The following SLCO2A1 variants were observed in gnomAD, a reference collection of about 807,000 sequenced individuals.
The protein encoded by SLCO2A1 is matrin F/G 1.
A neutral mutation model predicts 71.7 loss-of-function variants in SLCO2A1; 60 were observed. That is an observed-to-expected ratio of 0.84 (90% CI 0.68 to 1.04). The LOEUF (loss-of-function observed/expected upper bound fraction) is 1.04. Among genes scored for constraint, SLCO2A1 ranks in the 50% least tolerant of loss-of-function variants. The probability of loss-of-function intolerance (pLI) is 0.00; values close to 1 mark genes in which losing one functional copy is unlikely to be tolerated. For missense variants in SLCO2A1, 745 were observed against 813.4 expected (o/e 0.92, Z 1.02); for synonymous variants, 308 against 326.7 (o/e 0.94, Z 0.62).
chr3:133,948,652 A>G lies in SLCO2A1; in HGVS notation c.989T>C (p.Leu330Pro), dbSNP rs1415094638. 65 of 1,614,058 alleles carry G rather than the reference A, an allele frequency of 4.0e-5. No homozygotes were observed. The highest frequency in any genetic ancestry group is 4.7e-5 in the Non-Finnish European group (56 of 1,180,018). The change falls in exon 8 of 14, where the codon CTG becomes CCG. Residue 330 changes from leucine (L) to proline (P), a missense_variant. Physicochemically the swap from Leu to Pro is moderately conservative, Grantham distance 98. Coordinates refer to ENST00000310926, the MANE Select transcript of SLCO2A1 (RefSeq NM_005630.3). ...GAAGGTGCACTGGGCCAGGACCACC[A>G]GGACGAAGAGTGAGTTCATCAGGAG... ...LRLLMNSLFVLVVLAQCTFSS... is the reference protein window; with the variant it reads ...LRLLMNSLFVPVVLAQCTFSS...
chr3:134,023,626 A>T (rs376858252), intron 1 of SLCO2A1, among the ~76,000 whole-genome samples: 6 of 152,324 alleles, frequency 3.9e-5, no homozygotes, highest in African/African-American at 1.4e-4. Flanking sequence ...CAGTTTTTGT[A>T]ATTTCCTAAA....
At chr3:133,973,634 C>T in intron 3 of SLCO2A1, 29 bp downstream of exon 3, 1 of 1,611,440 alleles carries the variant, frequency 6.2e-7, no homozygotes. Flanking sequence ...ATTCCTTACC[C>T]CTTGAGGCAG....
At position 133,953,696 on chromosome 3, in the gene SLCO2A1, G is replaced by T. The variant is rs1157747827; in HGVS notation, c.691C>A (p.Gln231Lys). The change falls in exon 5 of 14, where the codon CAG becomes AAG. Residue 231 changes from glutamine to lysine, a missense_variant. Coordinates refer to ENST00000310926, the MANE Select transcript of SLCO2A1 (RefSeq NM_005630.3). Reference protein sequence around the residue: ...FGYLLGSVMLQIFVDYGRVNT... With the variant: ...FGYLLGSVMLKIFVDYGRVNT... ...ACCCTGCCATAGTCCACAAAGATCT[G>T]CAGCATGACAGAGCCCAGCAGGTAC... The T allele has an allele frequency of 6.2e-7, 1 of 1,614,144 alleles. No homozygotes were observed. Among genetic ancestry groups the T allele is most frequent in the Non-Finnish European group, 8.5e-7 (1 of 1,180,022 alleles).
At chr3:133,990,154 C>G (rs1934807812) in intron 1 of SLCO2A1, among the ~76,000 whole-genome samples, 1 of 152,388 alleles carries the variant, frequency 6.6e-6, no homozygotes, top group East Asian at 1.9e-4. Context: ...CTACTGCAGG[C>G]CCCGTGCACG....
intron 9 of SLCO2A1, among the ~76,000 whole-genome samples, chr3:133,945,513 G>C (rs767425084): frequency 6.6e-6 from 1 of 152,154 alleles, no homozygotes; most frequent in Non-Finnish European, 1.5e-5. Flanking sequence ...CTCTGGGAAG[G>C]CCTGGCTGGT....
chr3:133,997,359 G>A (rs972067956), intron 1 of SLCO2A1, among the ~76,000 whole-genome samples: 2 of 152,162 alleles, frequency 1.3e-5, no homozygotes, highest in Non-Finnish European at 2.9e-5. Context: ...TTTAACCCCC[G>A]GTGCTCATGA....
At chr3:133,958,077 G>A (rs1299830932) in intron 3 of SLCO2A1, among the ~76,000 whole-genome samples, 3 of 152,180 alleles carry the variant, frequency 2.0e-5, no homozygotes, top group Admixed American at 2.0e-4. Flanking sequence ...GACCACAGGG[G>A]CTGTCTGGCC....
intron 3 of SLCO2A1, among the ~76,000 whole-genome samples, chr3:133,973,366 C>T (rs2108054991): frequency 6.6e-6 from 1 of 152,334 alleles, no homozygotes; most frequent in Admixed American, 6.5e-5. Context: ...ATGCTTTGAT[C>T]CTCCTCCTGC....
At chr3:134,010,142 T>C (rs1935303656) in intron 1 of SLCO2A1, among the ~76,000 whole-genome samples, 1 of 152,206 alleles carries the variant, frequency 6.6e-6, no homozygotes, top group South Asian at 2.1e-4. Flanking sequence ...CACATGTGTG[T>C]CCTAATGAAA....
chr3:134,007,194 A>T (rs1935238943), intron 1 of SLCO2A1, among the ~76,000 whole-genome samples: 1 of 151,696 alleles, frequency 6.6e-6, no homozygotes, highest in Non-Finnish European at 1.5e-5. Flanking sequence ...AGTTCTAAGA[A>T]CTCTTTATAT....
chr3:133,953,765 G>A lies in SLCO2A1; in HGVS notation c.626-4C>T, dbSNP rs766029148. On this transcript the variant is annotated splice_polypyrimidine_tract_variant and splice_region_variant and intron_variant, in intron 4 of 13. Transcript: ENST00000310926. ...ACAGAGATGGCAAATAAGATGGCTG[G>A]AAAAGGAAGTAAGGGGAAGGAGACT... 6.8e-6 allele frequency: 11 copies of A among 1,612,894 alleles called. No homozygotes were observed. Among genetic ancestry groups the A allele is most frequent in the Non-Finnish European group, 9.3e-6 (11 of 1,178,904 alleles).
chr3:133,962,349 G>A (rs1387022511), intron 3 of SLCO2A1, among the ~76,000 whole-genome samples: 1 of 152,082 alleles, frequency 6.6e-6, no homozygotes, highest in Non-Finnish European at 1.5e-5. Flanking sequence ...CAAAGTGCTG[G>A]GATTATAGGC....
chr3:134,016,159 T>A (rs1935451416), intron 1 of SLCO2A1, among the ~76,000 whole-genome samples: 1 of 152,092 alleles, frequency 6.6e-6, no homozygotes, highest in Non-Finnish European at 1.5e-5. Context: ...AAAAGCAGGA[T>A]CCAGAAAATT....
chr3:133,995,829 G>A (rs1055194406), intron 1 of SLCO2A1, among the ~76,000 whole-genome samples: 2 of 152,206 alleles, frequency 1.3e-5, no homozygotes, highest in South Asian at 2.1e-4. Flanking sequence ...CGCCATAAGT[G>A]AGTGAATATA....
At chr3:133,946,529 C>T (rs1933582660) in intron 9 of SLCO2A1, among the ~76,000 whole-genome samples, 1 of 152,170 alleles carries the variant, frequency 6.6e-6, no homozygotes, top group Non-Finnish European at 1.5e-5. Context: ...CCATCACTCT[C>T]ATTATTCTTC....
intron 2 of SLCO2A1, among the ~76,000 whole-genome samples, chr3:133,979,166 G>A (rs1260543680): frequency 6.6e-6 from 1 of 152,222 alleles, no homozygotes; most frequent in Non-Finnish European, 1.5e-5. Flanking sequence ...CAAGCCACTT[G>A]TACTCCTGAG....
At chr3:133,946,933 G>T (rs1933592183) in intron 9 of SLCO2A1, among the ~76,000 whole-genome samples, 1 of 152,034 alleles carries the variant, frequency 6.6e-6, no homozygotes, top group African/African-American at 2.4e-5. Flanking sequence ...TGGCCAAAAT[G>T]GTGAAACCCC....
At position 133,968,961 on chromosome 3, in the gene SLCO2A1, T is replaced by G. The variant is rs979785259; in HGVS notation, c.397+4702A>C. On this transcript the variant is annotated intron_variant, in intron 3 of 13. Transcript: ENST00000310926. The stretch of plus-strand genomic sequence containing the variant: ...AATTAGTTGTTAAAGGTCTCTGTGA[T>G]TCCCAAAATGTTTAGCCCTTCTTTA... Among the ~76,000 whole-genome samples the G allele has an allele frequency of 3.3e-5, 5 of 152,252 alleles. No homozygotes were observed. The South Asian group carries it at 6.2e-4, about 19-fold the overall frequency.
At chr3:133,953,237 C>G (rs896334036) in intron 5 of SLCO2A1, among the ~76,000 whole-genome samples, 6 of 152,152 alleles carry the variant, frequency 3.9e-5, no homozygotes, top group African/African-American at 1.4e-4. Context: ...CGGGGTTTCA[C>G]CGTGTTAGCC....
Sources: allele counts gnomAD v4.1 joint callset (sites outside exome capture counted in the v4.1 genomes callset), GRCh38; gene constraint gnomAD v4.1.1; transcripts MANE v1.5; gene names NCBI Gene and HGNC (gene_info 2026-07-23, HGNC 2026-07-21).